Variants in TRIP12 observed in about 807,000 individuals in gnomAD.
The protein encoded by TRIP12 is E3 ubiquitin-protein ligase TRIP12.
Under a neutral mutation model 244.2 loss-of-function variants are expected in TRIP12, and 25 were observed. That is an observed-to-expected ratio of 0.10 (90% CI 0.07 to 0.14). TRIP12 has a LOEUF of 0.14. TRIP12 is among the 10% of genes least tolerant of loss of function. The pLI is 1.00. For missense variants in TRIP12, 1,677 were observed against 2,486.4 expected, an observed-to-expected ratio of 0.67 and a Z score of 6.92; for synonymous variants, 905 against 873.1, an observed-to-expected ratio of 1.04 and a Z score of -0.64.
chr2:229,825,985 C>T (rs1347306454), intron 8 of TRIP12, among the ~76,000 whole-genome samples: 2 of 152,106 alleles, frequency 1.3e-5, no homozygotes, highest in Non-Finnish European at 2.9e-5. Flanking sequence ...TAAAAACAAA[C>T]ATGTTAAAAA....
At chr2:229,875,903 C>T (rs190489288) in intron 2 of TRIP12, among the ~76,000 whole-genome samples, 9 of 152,272 alleles carry the variant, frequency 5.9e-5, no homozygotes, top group Middle Eastern at 3.4e-3. Flanking sequence ...TCCCAATCCT[C>T]TCACTCCCAA....
chr2:229,852,043 C>T (rs2058811850), intron 4 of TRIP12, among the ~76,000 whole-genome samples: 1 of 152,212 alleles, frequency 6.6e-6, no homozygotes. Flanking sequence ...CTAATCTAAT[C>T]AGAATCTCTT....
intron 34 of TRIP12, 86 bp downstream of exon 34, chr2:229,785,671 G>A: frequency 7.9e-7 from 1 of 1,259,108 alleles, no homozygotes; most frequent in Non-Finnish European, 1.1e-6. Flanking sequence ...CTGTCTTTCA[G>A]AATTTCATAG....
chr2:229,903,705 G>C (rs1438929164), intron 1 of TRIP12, among the ~76,000 whole-genome samples: 1 of 151,938 alleles, frequency 6.6e-6, no homozygotes, highest in East Asian at 1.9e-4. Context: ...AGATAAGGGA[G>C]GAAAATTTCA....
At chr2:229,897,733 G>C (rs919974068) in intron 1 of TRIP12, among the ~76,000 whole-genome samples, 3 of 152,190 alleles carry the variant, frequency 2.0e-5, no homozygotes, top group African/African-American at 7.2e-5. Context: ...TTACAACTCT[G>C]AAGAGCCCCA....
intron 20 of TRIP12, among the ~76,000 whole-genome samples, chr2:229,803,362 C>T (rs2044964611): frequency 1.3e-5 from 2 of 152,210 alleles, no homozygotes; most frequent in Non-Finnish European, 2.9e-5. Flanking sequence ...GATCCACCTG[C>T]CTTGGCCTCC....
chr2:229,916,282 T>C (rs1222069882), intron 1 of TRIP12, among the ~76,000 whole-genome samples: 1 of 152,248 alleles, frequency 6.6e-6, no homozygotes, highest in East Asian at 1.9e-4. Context: ...TAGCCAGGAT[T>C]GGAACCTAAG....
intron 1 of TRIP12, among the ~76,000 whole-genome samples, chr2:229,909,089 CAAA>C (rs11390500): frequency 6.3e-5 from 7 of 110,668 alleles, no homozygotes; most frequent in East Asian, 2.6e-4. Flanking sequence ...GACTCTGTCT[CAAA>C]AAAAAAAAAA....
At chr2:229,805,501 G>A (rs58083980) in intron 18 of TRIP12, among the ~76,000 whole-genome samples, 10,349 of 152,086 alleles carry the variant, frequency 0.068, 1,188 homozygotes, top group African/African-American at 0.24. Flanking sequence ...AGCAAATTCT[G>A]ACTCGAATCT....
At chr2:229,849,397 G>C (rs978001139) in intron 4 of TRIP12, among the ~76,000 whole-genome samples, 1 of 152,082 alleles carries the variant, frequency 6.6e-6, no homozygotes, top group Non-Finnish European at 1.5e-5. Flanking sequence ...GGTAAGGTTA[G>C]AATGCAAAAT....
intron 38 of TRIP12, among the ~76,000 whole-genome samples, chr2:229,772,497 T>C (rs1178903906): frequency 6.6e-6 from 1 of 152,176 alleles, no homozygotes; most frequent in Non-Finnish European, 1.5e-5. Flanking sequence ...AGAGTCTCGC[T>C]CTGTCGCCTA....
rs1443103808 is a variant in TRIP12, at chr2:229,808,288, C to G, written c.2303G>C (p.Ser768Thr). 6.2e-7 allele frequency: 1 copy of G among 1,613,792 alleles called. No individual in the cohort carries two copies. The highest frequency in any genetic ancestry group is 2.2e-5 in the East Asian group (1 of 44,890). The change falls in exon 16 of 42, where the codon AGC becomes ACC. Residue 768 changes from serine (S) to threonine (T), a missense_variant. Ser to Thr is a moderately conservative substitution (Grantham distance 58). Transcript: ENST00000675903. ...CQEQIDLVPR[S>T]PQELYELTSL... ...TGTCAGTTCATACAACTCTTGAGGGCTTCGTGGAACAAGATCAATCTGTTC... is the reference window on the plus strand; with the variant it reads ...TGTCAGTTCATACAACTCTTGAGGGGTTCGTGGAACAAGATCAATCTGTTC...
chr2:229,896,210 T>A (rs1321587325), intron 1 of TRIP12, among the ~76,000 whole-genome samples: 1 of 152,174 alleles, frequency 6.6e-6, no homozygotes, highest in Non-Finnish European at 1.5e-5. Flanking sequence ...GACAGTATCT[T>A]AAGGCCAACA....
chr2:229,876,374 GC>G (rs1218473816), intron 2 of TRIP12, among the ~76,000 whole-genome samples: 5 of 152,162 alleles, frequency 3.3e-5, no homozygotes, highest in African/African-American at 1.2e-4. Flanking sequence ...AAAGAATCAA[GC>G]CAAGACGGCA....
intron 6 of TRIP12, 95 bp from the exon 7 acceptor site, chr2:229,830,934 T>C (rs1363653232): frequency 1.9e-6 from 2 of 1,035,440 alleles, no homozygotes; most frequent in East Asian, 2.5e-5. Flanking sequence ...CGGACTACAA[T>C]TGAATAAAGG....
rs192144016 is a variant in TRIP12 at position 229,794,245 on chromosome 2, T to A, written c.3968+934A>T. 5.9e-3 allele frequency among the ~76,000 whole-genome samples: 896 copies of A among 152,262 alleles called. 7 individuals are homozygous for A. The highest frequency in any genetic ancestry group is 0.02 in the African/African-American group (842 of 41,560). Reference sequence around the variant, plus strand: ...GGTTTTTAATTCAAACAAAGTTTTTTAAATGTTTTTAAAACGTCAAAATGT... The same window carrying A: ...GGTTTTTAATTCAAACAAAGTTTTTAAAATGTTTTTAAAACGTCAAAATGT... On this transcript the variant is annotated intron_variant, in intron 26 of 41. Transcript: ENST00000675903.
At chr2:229,832,966 A>T (rs1281469493) in intron 6 of TRIP12, among the ~76,000 whole-genome samples, 5 of 152,168 alleles carry the variant, frequency 3.3e-5, no homozygotes, top group African/African-American at 1.2e-4. Flanking sequence ...TTTAAAACAC[A>T]CTCTGGAGCC....
At chr2:229,842,891 T>C (rs2056786742) in intron 4 of TRIP12, among the ~76,000 whole-genome samples, 1 of 152,222 alleles carries the variant, frequency 6.6e-6, no homozygotes, top group Non-Finnish European at 1.5e-5. Flanking sequence ...TCTTCAACTA[T>C]AACTTAAATG....
chr2:229,793,387 A>C (rs2042025628), intron 26 of TRIP12: 2 of 291,844 alleles, frequency 6.9e-6, no homozygotes, highest in African/African-American at 4.3e-5. Context: ...TCAATATTTG[A>C]TCTCTGTCCC....
Sources: allele counts gnomAD v4.1 joint callset (sites outside exome capture counted in the v4.1 genomes callset), GRCh38; gene constraint gnomAD v4.1.1; transcripts MANE v1.5; gene names NCBI Gene and HGNC (gene_info 2026-07-23, HGNC 2026-07-21).